The following FXR1 variants were observed in gnomAD, a reference collection of about 807,000 sequenced individuals.
FXR1 encodes the protein RNA-binding protein FXR1.
A neutral mutation model predicts 84.0 loss-of-function variants in FXR1; 15 were observed. That is an observed-to-expected ratio of 0.18 (90% CI 0.12 to 0.27). The LOEUF is 0.27. Ranked by LOEUF, FXR1 falls within the 10% of genes least tolerant of loss-of-function variation. The probability of loss-of-function intolerance (pLI) is 1.00; values close to 1 mark genes in which losing one functional copy is unlikely to be tolerated. For synonymous variants in FXR1, 245 were observed against 250.7 expected, an observed-to-expected ratio of 0.98 and a Z score of 0.21; for missense variants, 480 against 774.4, an observed-to-expected ratio of 0.62 and a Z score of 4.51.
intron 1 of FXR1, among the ~76,000 whole-genome samples, chr3:180,929,109 C>T (rs554215892): frequency 7.9e-5 from 12 of 152,132 alleles, no homozygotes; most frequent in South Asian, 4.1e-4. Context: ...TTAGTAGAGA[C>T]GGGGTTTCTC....
In FXR1 at chr3:180,949,352, GT is replaced by G. The variant is rs1258613702; in HGVS notation, c.630+12del. The G allele has an allele frequency of 1.6e-6, 2 of 1,227,062 alleles. No homozygotes were observed. The highest frequency in any genetic ancestry group is 2.4e-6 in the Non-Finnish European group (2 of 826,240). The allele number at this position is 1,227,062 out of a possible 1,614,324, so 76.0% of individuals were successfully genotyped here. A position where few individuals can be genotyped will look rare whatever the true frequency, so the allele number is the denominator to read the frequency against. On this transcript the variant is annotated intron_variant, in intron 7 of 16. Transcript: ENST00000357559. Reference sequence around the variant, plus strand: ...CCACTAAGCATTTAGAAGTAAGTGGGTTTACTTACAAAAGAGTTTTCTGTGT... The same window carrying G: ...CCACTAAGCATTTAGAAGTAAGTGGGTTACTTACAAAAGAGTTTTCTGTGT...
chr3:180,927,598 A>T (rs1400928618), intron 1 of FXR1: 1 of 597,344 alleles, frequency 1.7e-6, no homozygotes, highest in Non-Finnish European at 2.9e-6. Flanking sequence ...TAATTTCAAA[A>T]ATATATTCAT....
chr3:180,968,930 A>G (rs1002593882), intron 14 of FXR1, among the ~76,000 whole-genome samples: 12 of 152,196 alleles, frequency 7.9e-5, no homozygotes, highest in Non-Finnish European at 1.3e-4. Context: ...TACATAGACT[A>G]TATTAAGGAT....
chr3:180,963,119 T>G (rs751621619), intron 13 of FXR1, 29 bp downstream of exon 13: 40 of 847,556 alleles, frequency 4.7e-5, no homozygotes, highest in Non-Finnish European at 5.9e-5. Flanking sequence ...TTTTTTTTTT[T>G]GGTAATAGTA....
intron 3 of FXR1, among the ~76,000 whole-genome samples, chr3:180,937,202 A>G (rs1447354826): frequency 1.3e-5 from 2 of 152,222 alleles, no homozygotes; most frequent in Non-Finnish European, 2.9e-5. Context: ...AAGTTAGGTC[A>G]AGCAAGGAAT....
chr3:180,969,075 T>G (rs1256651089), intron 14 of FXR1, among the ~76,000 whole-genome samples: 4 of 151,956 alleles, frequency 2.6e-5, no homozygotes, highest in African/African-American at 7.3e-5. Flanking sequence ...AGATGCCAAC[T>G]GTGCTTACAA....
chr3:180,913,108 T>C (rs929565738), intron 1 of FXR1, among the ~76,000 whole-genome samples: 2 of 151,962 alleles, frequency 1.3e-5, no homozygotes, highest in African/African-American at 2.4e-5. Flanking sequence ...GGTGGGATTG[T>C]GTGGTCTCAC....
intron 1 of FXR1, among the ~76,000 whole-genome samples, chr3:180,920,926 A>C (rs1453748362): frequency 6.6e-6 from 1 of 152,250 alleles, no homozygotes; most frequent in Non-Finnish European, 1.5e-5. Context: ...ACTGGTATGT[A>C]AACAGTAGTA....
chr3:180,970,247 C>G lies in FXR1; in HGVS notation c.1492C>G (p.His498Asp). 1.2e-6 allele frequency: 2 copies of G among 1,600,988 alleles called. No individual in the cohort carries two copies. Among genetic ancestry groups the G allele is most frequent in the Non-Finnish European group, 1.7e-6 (2 of 1,168,284 alleles). ...AGACACTGATGCCAGCGAATCTCAT[C>G]ACAGTACTAACCGTCGTAGGCGGTC... Reference protein sequence around the residue: ...TADTDASESHHSTNRRRRSRR... With the variant: ...TADTDASESHDSTNRRRRSRR... The change falls in exon 15 of 17, where the codon CAC becomes GAC. Residue 498 changes from histidine to aspartate, a missense_variant. By Grantham distance (81) the His-to-Asp change is moderately conservative. Around this residue, in one of 6 missense-constraint regions of FXR1, gnomAD observed 157 missense variants for 227.8 expected, o/e 0.69. Transcript: ENST00000357559.
At chr3:180,927,647 G>A in intron 1 of FXR1, 1 of 556,736 alleles carries the variant, frequency 1.8e-6, no homozygotes, top group Non-Finnish European at 3.2e-6. Context: ...TTCCCCCACA[G>A]GCCATTTAAG....
Position 180,935,853 on chromosome 3 carries a change from G to A in FXR1, c.198+622G>A, listed in dbSNP as rs1720462939. Among the ~76,000 whole-genome samples, 3 of 152,170 alleles carry A rather than the reference G, an allele frequency of 2.0e-5. No individual in the cohort carries two copies. In the South Asian group the frequency reaches 6.2e-4, roughly 32 times the overall value. Reference sequence around the variant, plus strand: ...ATCCCAAAATGATGGGATTACAGGCGTGAGCCACCGTGCCCGGCCCTACAA... The same window carrying A: ...ATCCCAAAATGATGGGATTACAGGCATGAGCCACCGTGCCCGGCCCTACAA... On this transcript the variant is annotated intron_variant, in intron 3 of 16. Coordinates refer to ENST00000357559, the MANE Select transcript of FXR1 (RefSeq NM_005087.4).
At chr3:180,935,944 T>C (rs980389714) in intron 3 of FXR1, among the ~76,000 whole-genome samples, 3 of 152,172 alleles carry the variant, frequency 2.0e-5, no homozygotes, top group African/African-American at 7.2e-5. Context: ...CAGGTTGCAG[T>C]GCAATGGCGC....
chr3:180,917,928 CAG>C (rs1718094285), intron 1 of FXR1, among the ~76,000 whole-genome samples: 1 of 113,890 alleles, frequency 8.8e-6, no homozygotes, highest in Admixed American at 1.3e-4. Context: ...GCCTGGGTGA[CAG>C]AGTGAGACTC....
Position 180,933,429 on chromosome 3 carries a change from C to T in FXR1, c.104+43C>T, listed in dbSNP as rs753555129. ...ACAAAGGCCTTAATTTTAGAGATGG[C>T]AGTGCCAAACTTTTTGCTTTTGGGT... On this transcript the variant is annotated intron_variant, in intron 2 of 16. Coordinates refer to ENST00000357559, the MANE Select transcript of FXR1 (RefSeq NM_005087.4). 3.5e-5 allele frequency: 39 copies of T among 1,130,006 alleles called. No homozygotes were observed. In the Admixed American group the frequency reaches 6.7e-4, roughly 20 times the overall value. 70.0% of individuals were successfully genotyped at this position (1,130,006 alleles called of 1,614,324 possible).
intron 1 of FXR1, chr3:180,915,070 A>G: frequency 7.2e-6 from 2 of 279,536 alleles, no homozygotes; most frequent in Non-Finnish European, 1.1e-5. Context: ...AGGGGCTTGA[A>G]GTAGTTCTGT....
chr3:180,921,371 C>CT (rs1438472638), intron 1 of FXR1, among the ~76,000 whole-genome samples: 2 of 120,892 alleles, frequency 1.7e-5, no homozygotes, highest in African/African-American at 3.2e-5. Flanking sequence ...GAAACTCCAT[C>CT]TAAAAAAAAA....
At position 180,970,383 on chromosome 3, in the gene FXR1, AATATATAT is replaced by A. The variant is rs56345724; in HGVS notation, c.1603+57_1603+64del. On this transcript the variant is annotated intron_variant, in intron 15 of 16. Coordinates refer to ENST00000357559, the MANE Select transcript of FXR1 (RefSeq NM_005087.4). The stretch of plus-strand genomic sequence containing the variant: ...GGTATGTAAGCACTTAGGGAAGAGA[AATATATAT>A]ATATATATATATATATATATATATA... 1,163 of 368,000 alleles carry A rather than the reference AATATATAT, an allele frequency of 3.2e-3. 17 individuals carry two copies. The highest frequency in any genetic ancestry group is 0.011 in the African/African-American group (374 of 33,006). 22.8% of individuals were successfully genotyped at this position (368,000 alleles called of 1,614,324 possible).
At position 180,962,953 on chromosome 3, in the gene FXR1, G is replaced by C; in HGVS notation, c.1135+13G>C. 1 of 1,612,506 alleles carries C rather than the reference G, an allele frequency of 6.2e-7. No individual in the cohort carries two copies. The highest frequency in any genetic ancestry group is 8.5e-7 in the Non-Finnish European group (1 of 1,178,544). ...CTGCGACAGATTGGTATGGGTTTCA[G>C]ACCTTCTTCCACCAGAGGGCCTGAA... On this transcript the variant is annotated intron_variant, in intron 12 of 16. Coordinates refer to ENST00000357559, the MANE Select transcript of FXR1 (RefSeq NM_005087.4).
rs759700778 is a variant in FXR1, at chr3:180,951,263, G to C, written c.631-35G>C. On this transcript the variant is annotated intron_variant, in intron 7 of 16. Coordinates refer to ENST00000357559, the MANE Select transcript of FXR1 (RefSeq NM_005087.4). ...ATACAAAAAAGCCATTTTGTATTTTGATCTTTTATATTACTAATTTTCCTT... is the reference window on the plus strand; with the variant it reads ...ATACAAAAAAGCCATTTTGTATTTTCATCTTTTATATTACTAATTTTCCTT... 1.3e-5 allele frequency: 18 copies of C among 1,345,796 alleles called. No individual in the cohort carries two copies. In the South Asian group the frequency reaches 1.9e-4, roughly 15 times the overall value. The allele number at this position is 1,345,796 out of a possible 1,614,324, so 83.4% of individuals were successfully genotyped here.
Sources: gnomAD v4.1 joint callset for allele counts (sites outside exome capture counted in the v4.1 genomes callset) on GRCh38, gnomAD v4.1.1 for gene constraint, gnomAD v4.1.1 regional missense constraint, MANE v1.5 for transcripts, NCBI Gene and HGNC (gene_info 2026-07-23, HGNC 2026-07-21) for gene names.